The following SCLT1 variants were observed in gnomAD, a reference collection of about 807,000 sequenced individuals.
SCLT1 encodes the protein sodium channel-associated protein 1.
SCLT1 carries 78 observed loss-of-function variants against 112.8 expected under a neutral mutation model. The ratio of observed to expected loss-of-function variants is 0.69; its 90% CI spans 0.58 to 0.83. The LOEUF (loss-of-function observed/expected upper bound fraction) is 0.83, where lower values mean the gene tolerates loss of function less well. Among genes scored for constraint, SCLT1 ranks in the 40% least tolerant of loss-of-function variants. The pLI, the probability that SCLT1 is intolerant of heterozygous loss-of-function variation, is 0.00. For synonymous variants in SCLT1, 257 were observed against 254.7 expected (o/e 1.01, Z -0.09); for missense variants, 747 against 770.4 (o/e 0.97, Z 0.36).
intron 18 of SCLT1, among the ~76,000 whole-genome samples, chr4:128,911,183 T>C (rs1345074401): frequency 6.6e-6 from 1 of 152,050 alleles, no homozygotes; most frequent in Non-Finnish European, 1.5e-5. Flanking sequence ...GGAGAATCGC[T>C]TGAATCTGGG....
intron 1 of SCLT1, among the ~76,000 whole-genome samples, chr4:129,082,654 T>A (rs761392927): frequency 6.6e-5 from 10 of 152,232 alleles, no homozygotes; most frequent in Non-Finnish European, 1.2e-4. Context: ...CTCTGCTGGC[T>A]TGCTCTTCGG....
chr4:129,055,339 G>A (rs1749256551), intron 2 of SCLT1, among the ~76,000 whole-genome samples: 1 of 152,196 alleles, frequency 6.6e-6, no homozygotes, highest in Non-Finnish European at 1.5e-5. Flanking sequence ...ACTCTTCAGA[G>A]CCATCAGGCA....
At chr4:128,929,460 T>C (rs1736580269) in intron 18 of SCLT1, among the ~76,000 whole-genome samples, 1 of 152,184 alleles carries the variant, frequency 6.6e-6, no homozygotes, top group Non-Finnish European at 1.5e-5. Context: ...TGACATACAA[T>C]TCTAATATGA....
At chr4:129,039,236 T>TAATTA (rs1747459612) in intron 4 of SCLT1, 140 bp from the exon 5 acceptor site, 2 of 575,828 alleles carry the variant, frequency 3.5e-6, no homozygotes, top group Non-Finnish European at 3.1e-6. Flanking sequence ...AACAAAGGGA[T>TAATTA]AATTAATATG....
chr4:128,893,535 A>G (rs1468465858), intron 18 of SCLT1, among the ~76,000 whole-genome samples: 1 of 150,460 alleles, frequency 6.6e-6, no homozygotes, highest in Non-Finnish European at 1.5e-5. Flanking sequence ...TTGCATGACT[A>G]ATATATAAAA....
chr4:129,059,987 A>T (rs1217899485), intron 2 of SCLT1, among the ~76,000 whole-genome samples: 4 of 151,798 alleles, frequency 2.6e-5, no homozygotes, highest in African/African-American at 4.8e-5. Flanking sequence ...TAATATGAAT[A>T]TTTTTTTGCC....
intron 19 of SCLT1, among the ~76,000 whole-genome samples, chr4:128,890,783 A>T (rs1733247813): frequency 6.6e-6 from 1 of 152,228 alleles, no homozygotes; most frequent in Non-Finnish European, 1.5e-5. Context: ...ATGCATAAGA[A>T]TAAAGGGGAT....
rs569349775 is a variant in SCLT1, at chr4:128,921,916, C to T, written c.1829+14739G>A. Among the ~76,000 whole-genome samples, 31 of 152,124 alleles carry T rather than the reference C, an allele frequency of 2.0e-4. No individual in the cohort carries two copies. In the East Asian group the frequency reaches 5.4e-3, roughly 27 times the overall value. ...TGTGCATGCTATAAAAGTCTAATAT[C>T]CAGAATCTACAATATAGTTAAACAA... On this transcript the variant is annotated intron_variant, in intron 18 of 20. Transcript: ENST00000281142.
At chr4:129,074,063 A>G (rs904915824) in intron 2 of SCLT1, among the ~76,000 whole-genome samples, 1 of 152,134 alleles carries the variant, frequency 6.6e-6, no homozygotes, top group Admixed American at 6.6e-5. Flanking sequence ...CTCTCCAACT[A>G]TATTTCTTTT....
chr4:128,899,754 AT>A (rs1560817717), intron 18 of SCLT1, among the ~76,000 whole-genome samples: 2 of 152,216 alleles, frequency 1.3e-5, no homozygotes, highest in Non-Finnish European at 1.5e-5. Flanking sequence ...TGAAGATGAC[AT>A]GATTGTATAT....
intron 4 of SCLT1, among the ~76,000 whole-genome samples, chr4:128,875,482 C>CAT (rs36117997): frequency 0.21 from 32,597 of 152,064 alleles, 3,582 homozygotes; most frequent in Middle Eastern, 0.32. Context: ...GATCTGAAAA[C>CAT]AGAATCGTTG....
intron 2 of SCLT1, among the ~76,000 whole-genome samples, chr4:129,046,446 GTCTGGCT>G (rs1341587108): frequency 6.6e-6 from 1 of 151,988 alleles, no homozygotes; most frequent in African/African-American, 2.4e-5. Context: ...TTTCTGTTAT[GTCTGGCT>G]TCTTTTGCTT....
At chr4:128,948,206 C>A (rs541324214) in intron 15 of SCLT1, among the ~76,000 whole-genome samples, 25 of 151,872 alleles carry the variant, frequency 1.6e-4, no homozygotes, top group African/African-American at 5.8e-4. Context: ...CATGGTGGCA[C>A]ACGCCTCTAT....
intron 2 of SCLT1, among the ~76,000 whole-genome samples, chr4:129,051,789 T>C (rs180729253): frequency 7.4e-4 from 112 of 152,292 alleles, no homozygotes; most frequent in Non-Finnish European, 1.4e-3. Context: ...AGAGAGGGCA[T>C]CCTTGTCACG....
At chr4:128,970,936 T>G (rs1276602742) in intron 9 of SCLT1, 1 of 152,354 alleles carries the variant, frequency 6.6e-6, no homozygotes, top group Non-Finnish European at 1.5e-5. Flanking sequence ...GTTTGTATTA[T>G]GTAAACACAA....
chr4:128,973,886 G>A (rs1355714816), intron 9 of SCLT1, among the ~76,000 whole-genome samples: 1 of 151,944 alleles, frequency 6.6e-6, no homozygotes, highest in Non-Finnish European at 1.5e-5. Flanking sequence ...CAGTTAGAAA[G>A]TAAGTAAATA....
Position 129,030,008 on chromosome 4 carries a change from A to T in SCLT1, c.290+9033T>A, listed in dbSNP as rs1388033917. On this transcript the variant is annotated intron_variant, in intron 5 of 20. Transcript: ENST00000281142. ...TACACCCCACATCAACAGAATATAC[A>T]TTATTCTCAGCACCACATACCATGT... is the stretch of plus-strand genomic sequence containing the variant. Among the ~76,000 whole-genome samples the T allele has an allele frequency of 1.3e-5, 2 of 152,170 alleles. 1 individual carries two copies. The highest frequency in any genetic ancestry group is 1.3e-4 in the Admixed American group (2 of 15,280).
chr4:129,084,465 CAGAAGATGTTTA>C (rs1752226999), intron 1 of SCLT1, among the ~76,000 whole-genome samples: 1 of 151,926 alleles, frequency 6.6e-6, no homozygotes, highest in African/African-American at 2.4e-5. Context: ...ATAAATACAA[CAGAAGATGTTTA>C]AGACCTCTAC....
At chr4:128,964,344 C>A (rs2198042) in intron 11 of SCLT1, among the ~76,000 whole-genome samples, 38,801 of 152,060 alleles carry the variant, frequency 0.26, 6,222 homozygotes, top group African/African-American at 0.45. Context: ...AAACATGACA[C>A]CAACTGATGA....
Sources: gnomAD v4.1 joint callset for allele counts (sites outside exome capture counted in the v4.1 genomes callset) on GRCh38, gnomAD v4.1.1 for gene constraint, MANE v1.5 for transcripts, NCBI Gene and HGNC (gene_info 2026-07-23, HGNC 2026-07-21) for gene names.